PRDM16: variants seen among roughly 807,000 people sequenced by gnomAD.
PRDM16 encodes the protein PR/SET domain 16.
A neutral mutation model predicts 110.6 loss-of-function variants in PRDM16; 23 were observed. The observed-to-expected ratio is 0.21, with a 90% CI of 0.15 to 0.29. PRDM16 has a LOEUF of 0.29. Ranked by LOEUF, PRDM16 falls within the 10% of genes least tolerant of loss-of-function variation. PRDM16 has a pLI of 1.00. For missense variants in PRDM16, 1,615 were observed against 1,794.3 expected (o/e 0.90, Z 1.81); for synonymous variants, 799 against 781.8 (o/e 1.02, Z -0.37).
intron 2 of PRDM16, among the ~76,000 whole-genome samples, chr1:3,222,152 C>T (rs1358745079): frequency 6.6e-6 from 1 of 152,210 alleles, no homozygotes; most frequent in Non-Finnish European, 1.5e-5. Flanking sequence ...GGTGCCGTGA[C>T]CTTGAGCTCA....
chr1:3,236,284 C>T (rs1227622900), intron 2 of PRDM16, among the ~76,000 whole-genome samples: 2 of 152,112 alleles, frequency 1.3e-5, no homozygotes, highest in East Asian at 1.9e-4. Flanking sequence ...AGAGGCCTGG[C>T]GGGGGGTGGC....
chr1:3,394,723 G>C (rs183310001), intron 4 of PRDM16, among the ~76,000 whole-genome samples: 33 of 152,208 alleles, frequency 2.2e-4, no homozygotes, highest in Non-Finnish European at 4.3e-4. Context: ...TCACGGCACC[G>C]CTCAGAGGGT....
chr1:3,259,188 C>T (rs138666114), intron 3 of PRDM16, among the ~76,000 whole-genome samples: 62 of 152,292 alleles, frequency 4.1e-4, no homozygotes, highest in Middle Eastern at 3.4e-3. Flanking sequence ...TAGTTCACAC[C>T]GGCCCAAGGG....
At chr1:3,410,231 G>A (rs572517477) in intron 8 of PRDM16, among the ~76,000 whole-genome samples, 1 of 152,210 alleles carries the variant, frequency 6.6e-6, no homozygotes, top group East Asian at 1.9e-4. Flanking sequence ...CAAAAGACAA[G>A]CTGGTGATTC....
intron 1 of PRDM16, among the ~76,000 whole-genome samples, chr1:3,156,009 A>T (rs567981062): frequency 3.0e-4 from 46 of 152,382 alleles, no homozygotes; most frequent in African/African-American, 1.1e-3. Context: ...CGAGGTGCTC[A>T]GAGAAGGGAT....
rs1343697961 is a variant in PRDM16, at chr1:3,412,706, G to A, written c.2509G>A (p.Glu837Lys). The A allele has an allele frequency of 1.9e-5, 29 of 1,497,132 alleles. No homozygotes were observed. Among genetic ancestry groups the A allele is most frequent in the East Asian group, 1.7e-4 (7 of 40,162 alleles). 92.7% of individuals were successfully genotyped at this position (1,497,132 alleles called of 1,614,324 possible). ...TGGGGAACGCAAGCTGGGCGCCGGC[G>A]AGGGGCTGCCCCAGGTGTGCCCGGC... Reference protein sequence around the residue: ...VYGERKLGAGEGLPQVCPARM... With the variant: ...VYGERKLGAGKGLPQVCPARM... The change falls in exon 9 of 17, where the codon GAG (glutamate) becomes AAG (lysine). Residue 837 changes from glutamate to lysine, a missense_variant. Transcript: ENST00000270722.
At chr1:3,285,293 G>A (rs1640819728) in intron 3 of PRDM16, among the ~76,000 whole-genome samples, 1 of 152,182 alleles carries the variant, frequency 6.6e-6, no homozygotes, top group Admixed American at 6.5e-5. Context: ...GGCCACCTGG[G>A]CGTTCTGATT....
intron 3 of PRDM16, among the ~76,000 whole-genome samples, chr1:3,247,012 A>G (rs956234444): frequency 6.6e-6 from 1 of 152,006 alleles, no homozygotes; most frequent in Non-Finnish European, 1.5e-5. Flanking sequence ...AACTGTGCGC[A>G]CCGCGGTGCT....
At chr1:3,241,613 G>C (rs1454889080) in intron 2 of PRDM16, among the ~76,000 whole-genome samples, 1 of 152,268 alleles carries the variant, frequency 6.6e-6, no homozygotes, top group African/African-American at 2.4e-5. Flanking sequence ...CCGGGGAGCA[G>C]GAGTGCTGGC....
intron 3 of PRDM16, among the ~76,000 whole-genome samples, chr1:3,276,507 A>G (rs1640585688): frequency 6.6e-6 from 1 of 152,342 alleles, no homozygotes; most frequent in African/African-American, 2.4e-5. Context: ...AAGACTGGCC[A>G]GCGACCCGGA....
At chr1:3,300,789 A>G (rs1302333404) in intron 3 of PRDM16, among the ~76,000 whole-genome samples, 1 of 152,130 alleles carries the variant, frequency 6.6e-6, no homozygotes, top group Non-Finnish European at 1.5e-5. Flanking sequence ...TACTCTACCC[A>G]TTGAGCAAGA....
At chr1:3,230,832 A>G (rs1295385052) in intron 2 of PRDM16, among the ~76,000 whole-genome samples, 1 of 152,146 alleles carries the variant, frequency 6.6e-6, no homozygotes, top group African/African-American at 2.4e-5. Flanking sequence ...GAGGCATTCG[A>G]AGTGACAACC....
chr1:3,384,576 C>T (rs945172439), intron 3 of PRDM16, among the ~76,000 whole-genome samples: 1 of 152,232 alleles, frequency 6.6e-6, no homozygotes, highest in Non-Finnish European at 1.5e-5. Flanking sequence ...TCGCGTGTGA[C>T]TTTGCGGGCG....
rs961113726 is a variant in PRDM16, at chr1:3,350,902, T to G, written c.439-34250T>G. Among the ~76,000 whole-genome samples the G allele has an allele frequency of 1.3e-5, 2 of 152,206 alleles. No individual in the cohort carries two copies. The highest frequency in any genetic ancestry group is 4.8e-5 in the African/African-American group (2 of 41,460). On this transcript the variant is annotated intron_variant, in intron 3 of 16. Coordinates refer to ENST00000270722, the MANE Select transcript of PRDM16 (RefSeq NM_022114.4). This position sits in a 1 kb window ranked among gnomAD's most constrained non-coding sequence, Gnocchi z 7.1. ...CCCCCAGTCCTTGCAGAGCCCACTC[T>G]GAAGGGGACTTGGGGATTCACTTCA...
In PRDM16 at chr1:3,181,717, C is replaced by G. The variant is rs200448699; in HGVS notation, c.38-4408C>G. ...GGTCTTACACACGGTCTTACACACG[C>G]AGTCTTACACACGGTCTTACACACG... On this transcript the variant is annotated intron_variant, in intron 1 of 16. Coordinates refer to ENST00000270722, the MANE Select transcript of PRDM16 (RefSeq NM_022114.4). Among the ~76,000 whole-genome samples the G allele has an allele frequency of 3.1e-3, 389 of 124,204 alleles. 7 individuals carry two copies. Among genetic ancestry groups the G allele is most frequent in the South Asian group, 0.028 (89 of 3,194 alleles). 81.5% of individuals were successfully genotyped at this position (124,204 alleles called of 152,430 possible).
intron 1 of PRDM16, among the ~76,000 whole-genome samples, chr1:3,101,783 A>G (rs2100619384): frequency 6.6e-6 from 1 of 152,316 alleles, no homozygotes; most frequent in South Asian, 2.1e-4. Context: ...CCAGCTCAGC[A>G]GGAGTGATCT....
chr1:3,215,010 T>G (rs1290660970), intron 2 of PRDM16, among the ~76,000 whole-genome samples: 1 of 152,188 alleles, frequency 6.6e-6, no homozygotes, highest in African/African-American at 2.4e-5. Context: ...GGGACCTGTG[T>G]GTGGGGATTG....
intron 1 of PRDM16, among the ~76,000 whole-genome samples, chr1:3,095,990 G>A (rs1277746649): frequency 6.6e-6 from 1 of 152,152 alleles, no homozygotes. Flanking sequence ...TCCTCCAAAC[G>A]GCTCAGTGGG....
chr1:3,107,419 C>G (rs1642683534), intron 1 of PRDM16, among the ~76,000 whole-genome samples: 1 of 152,248 alleles, frequency 6.6e-6, no homozygotes. Flanking sequence ...TTACCGGGCT[C>G]GGGATTTGGA....
Sources: allele counts gnomAD v4.1 joint callset (sites outside exome capture counted in the v4.1 genomes callset), GRCh38; gene constraint gnomAD v4.1.1; non-coding constraint Gnocchi (gnomAD v3.1); transcripts MANE v1.5; gene names NCBI Gene and HGNC (gene_info 2026-07-23, HGNC 2026-07-21).